Variants in PRKCH observed in about 807,000 individuals in gnomAD.
PRKCH encodes the protein protein kinase C eta.
Under a neutral mutation model 82.5 loss-of-function variants are expected in PRKCH, and 28 were observed. That is an observed-to-expected ratio of 0.34 (90% CI 0.25 to 0.47). PRKCH has a LOEUF of 0.47. PRKCH is among the 20% of genes least tolerant of loss of function. The pLI, the probability that PRKCH is intolerant of heterozygous loss-of-function variation, is 1.00. For synonymous variants in PRKCH, 322 were observed against 327.4 expected (o/e 0.98, Z 0.18); for missense variants, 705 against 881.8 (o/e 0.80, Z 2.54).
At chr14:61,452,292 C>A (rs1236536682) in intron 6 of PRKCH, among the ~76,000 whole-genome samples, 1 of 152,102 alleles carries the variant, frequency 6.6e-6, no homozygotes, top group Non-Finnish European at 1.5e-5. Flanking sequence ...CCTTCCAAAG[C>A]CCTCTACTTG....
chr14:61,543,239 G>T (rs1243840370), intron 12 of PRKCH: 2 of 152,286 alleles, frequency 1.3e-5, no homozygotes, highest in East Asian at 1.9e-4. Flanking sequence ...GAGGGAGCAT[G>T]CCTGCTTGCT....
At chr14:61,360,341 CT>C (rs1344213413) in intron 1 of PRKCH, among the ~76,000 whole-genome samples, 1 of 152,032 alleles carries the variant, frequency 6.6e-6, no homozygotes, top group Non-Finnish European at 1.5e-5. Context: ...GCTGTCTCTA[CT>C]AAAAATATAA....
At chr14:61,226,145 C>T (rs1002618340) in intron 1 of PRKCH, among the ~76,000 whole-genome samples, 2 of 152,146 alleles carry the variant, frequency 1.3e-5, no homozygotes, top group Non-Finnish European at 2.9e-5. Flanking sequence ...GCAAATCATA[C>T]CATGTTAAAT....
chr14:61,372,513 C>A (rs1271998819), intron 1 of PRKCH, among the ~76,000 whole-genome samples: 2 of 152,066 alleles, frequency 1.3e-5, no homozygotes, highest in African/African-American at 4.8e-5. Context: ...CACCCACCAT[C>A]CATTTACTTA....
intron 10 of PRKCH, among the ~76,000 whole-genome samples, chr14:61,502,507 G>T (rs888857353): frequency 2.0e-5 from 3 of 152,166 alleles, no homozygotes; most frequent in African/African-American, 7.2e-5. Flanking sequence ...TACAAAGAAA[G>T]ATTTCTTTCC....
chr14:61,437,766 C>T (rs1312914721), intron 2 of PRKCH, among the ~76,000 whole-genome samples: 1 of 152,080 alleles, frequency 6.6e-6, no homozygotes, highest in African/African-American at 2.4e-5. Context: ...CCTAGGTATT[C>T]ATTCTTCTTC....
intron 1 of PRKCH, among the ~76,000 whole-genome samples, chr14:61,292,804 G>A (rs1332850786): frequency 6.7e-6 from 1 of 148,288 alleles, no homozygotes; most frequent in African/African-American, 2.5e-5. Flanking sequence ...CACCAAGCTG[G>A]GTGTTGTGGC....
intron 1 of PRKCH, among the ~76,000 whole-genome samples, chr14:61,196,069 C>T (rs558260629): frequency 2.8e-4 from 43 of 152,166 alleles, no homozygotes; most frequent in African/African-American, 9.9e-4. Context: ...AGAGAGACAA[C>T]ATGGGTTGTT....
chr14:61,499,820 G>A (rs1886821211), intron 10 of PRKCH, among the ~76,000 whole-genome samples: 2 of 151,016 alleles, frequency 1.3e-5, no homozygotes, highest in African/African-American at 2.4e-5. Flanking sequence ...TCGCCTTTCT[G>A]TTGACTCAAA....
At position 61,271,776 on chromosome 14, in the gene PRKCH, C is replaced by T. The variant is rs903048976; in HGVS notation, c.-19+84108C>T. Among the ~76,000 whole-genome samples, 4 of 152,210 alleles carry T rather than the reference C, an allele frequency of 2.6e-5. 1 individual carries two copies. The highest frequency in any genetic ancestry group is 5.9e-5 in the Non-Finnish European group (4 of 68,036). ...ATGGCAGCTATTTGTTTTGTCACTGCTGACTTTGAATAGCCAGGGAGCTTC... is the reference window on the plus strand; with the variant it reads ...ATGGCAGCTATTTGTTTTGTCACTGTTGACTTTGAATAGCCAGGGAGCTTC... On this transcript the variant is annotated intron_variant, in intron 1 of 3. Transcript: ENST00000555185.
intron 1 of PRKCH, among the ~76,000 whole-genome samples, chr14:61,272,333 CTTTTTTCTTTCTT>C (rs2045162301): frequency 1.2e-5 from 1 of 83,060 alleles, no homozygotes; most frequent in East Asian, 3.7e-4. Flanking sequence ...TTTTTCTTTT[CTTTTTTCTTTCTT>C]TTTTTTTTTT....
At chr14:61,268,803 T>C (rs2045126726) in intron 1 of PRKCH, among the ~76,000 whole-genome samples, 1 of 152,318 alleles carries the variant, frequency 6.6e-6, no homozygotes, top group African/African-American at 2.4e-5. Flanking sequence ...AAGCAATTCA[T>C]AGAATGCTAA....
chr14:61,404,526 C>T (rs555639131), intron 2 of PRKCH, among the ~76,000 whole-genome samples: 6 of 117,038 alleles, frequency 5.1e-5, no homozygotes, highest in African/African-American at 1.3e-4. Flanking sequence ...TGTATATATT[C>T]ATGCATGTGT....
intron 1 of PRKCH, among the ~76,000 whole-genome samples, chr14:61,262,753 GAA>G (rs890247936): frequency 6.8e-6 from 1 of 146,468 alleles, no homozygotes; most frequent in African/African-American, 2.5e-5. Flanking sequence ...TGATGCAACA[GAA>G]AAAAAAAATG....
chr14:61,438,993 C>T (rs192376066), intron 2 of PRKCH, among the ~76,000 whole-genome samples: 5 of 152,286 alleles, frequency 3.3e-5, no homozygotes, highest in East Asian at 1.9e-4. Context: ...TGTGAATTTC[C>T]GTGCTGGGAC....
intron 10 of PRKCH, among the ~76,000 whole-genome samples, chr14:61,512,427 G>A (rs998242719): frequency 2.0e-5 from 3 of 151,980 alleles, no homozygotes; most frequent in South Asian, 2.1e-4. Context: ...GGAACCAGCC[G>A]ATTCCTAGTA....
intron 3 of PRKCH, among the ~76,000 whole-genome samples, chr14:61,443,902 A>T (rs1884091640): frequency 6.6e-6 from 1 of 152,252 alleles, no homozygotes. Flanking sequence ...TTTAGTGATA[A>T]ATTAAGCATA....
intron 7 of PRKCH, among the ~76,000 whole-genome samples, chr14:61,456,189 C>G (rs1214725398): frequency 2.0e-5 from 3 of 152,218 alleles, no homozygotes; most frequent in Non-Finnish European, 2.9e-5. Context: ...TTAACCTTCT[C>G]TTTGTCAGAA....
At chr14:61,345,752 G>A (rs1941757889) in intron 1 of PRKCH, among the ~76,000 whole-genome samples, 1 of 152,126 alleles carries the variant, frequency 6.6e-6, no homozygotes, top group South Asian at 2.1e-4. Context: ...TAAGATACTT[G>A]CCCCAAATAA....
Sources: allele counts gnomAD v4.1 joint callset (sites outside exome capture counted in the v4.1 genomes callset), GRCh38; gene constraint gnomAD v4.1.1; transcripts MANE v1.5; gene names NCBI Gene and HGNC (gene_info 2026-07-23, HGNC 2026-07-21).